Variants in VPS53 observed in about 807,000 individuals in gnomAD.
The protein encoded by VPS53 is vacuolar protein sorting-associated protein 53 homolog.
In VPS53, 70 loss-of-function variants were observed where a neutral mutation model predicts 107.0. The observed-to-expected ratio is 0.65, with a 90% CI of 0.54 to 0.80. The LOEUF is 0.80. Ranked by LOEUF, VPS53 falls within the 30% of genes least tolerant of loss-of-function variation. VPS53 has a pLI of 0.00. For synonymous variants in VPS53, 409 were observed against 393.3 expected (o/e 1.04, Z -0.47); for missense variants, 917 against 1,049.4 (o/e 0.87, Z 1.74).
intron 7 of VPS53, among the ~76,000 whole-genome samples, chr17:633,999 A>T (rs1970079475): frequency 6.6e-6 from 1 of 152,176 alleles, no homozygotes; most frequent in Non-Finnish European, 1.5e-5. Context: ...AACTTATAGT[A>T]GGAACTTTTC....
At chr17:649,568 C>G (rs112860185) in intron 7 of VPS53, among the ~76,000 whole-genome samples, 1 of 139,986 alleles carries the variant, frequency 7.1e-6, no homozygotes, top group Non-Finnish European at 1.6e-5. Context: ...CACTGGAGGA[C>G]AGAGGAATGG....
Position 653,895 on chromosome 17 carries a change from C to T in VPS53, c.489-485G>A, listed in dbSNP as rs543829683. ...GGTGCGGCCAGGCGCGGTGGCTCAG[C>T]CTGTCATCCCCGCGCTGTGGGAGGC... On this transcript the variant is annotated intron_variant, in intron 6 of 21. Coordinates refer to ENST00000437048, the MANE Select transcript of VPS53 (RefSeq NM_001128159.3). Among the ~76,000 whole-genome samples the T allele has an allele frequency of 3.9e-5, 6 of 152,280 alleles. No homozygotes were observed. The East Asian group carries it at 1.2e-3, about 29-fold the overall frequency.
At chr17:587,420 A>G (rs951532328) in intron 12 of VPS53, among the ~76,000 whole-genome samples, 2 of 152,346 alleles carry the variant, frequency 1.3e-5, no homozygotes, top group African/African-American at 4.8e-5. Flanking sequence ...GCATATAGGC[A>G]GTACTTTCTA....
At chr17:610,684 G>A (rs1781969423) in intron 11 of VPS53, among the ~76,000 whole-genome samples, 1 of 151,526 alleles carries the variant, frequency 6.6e-6, no homozygotes, top group Admixed American at 6.6e-5. Context: ...GAGAGGTCGA[G>A]GCGGGTGGAT....
intron 4 of VPS53, among the ~76,000 whole-genome samples, chr17:664,420 G>A (rs937014565): frequency 1.3e-5 from 2 of 152,164 alleles, no homozygotes; most frequent in African/African-American, 4.8e-5. Flanking sequence ...CAAATGTGAA[G>A]ATCCTGACAG....
chr17:693,675 C>A (rs1316676997), intron 4 of VPS53, among the ~76,000 whole-genome samples: 2 of 152,140 alleles, frequency 1.3e-5, no homozygotes, highest in African/African-American at 4.8e-5. Context: ...TCAAGGTTAC[C>A]GTGAAAAATG....
At chr17:633,288 G>A (rs373692755) in intron 7 of VPS53, among the ~76,000 whole-genome samples, 7 of 152,152 alleles carry the variant, frequency 4.6e-5, no homozygotes, top group East Asian at 1.9e-4. Flanking sequence ...ACCGTGCACC[G>A]GCCAGCCTTG....
chr17:537,272 C>T (rs1910163400), intron 17 of VPS53, 96 bp from the exon 18 acceptor site: 3 of 1,398,700 alleles, frequency 2.1e-6, no homozygotes, highest in Admixed American at 2.1e-5. Flanking sequence ...AGTCAGGTCA[C>T]AGCTTTGGTA....
intron 2 of VPS53, among the ~76,000 whole-genome samples, chr17:708,580 C>G (rs944611468): frequency 1.3e-5 from 2 of 152,072 alleles, no homozygotes; most frequent in Admixed American, 6.6e-5. Flanking sequence ...GAATGTCAGG[C>G]CCCCCACGAG....
intron 14 of VPS53, among the ~76,000 whole-genome samples, chr17:561,469 T>C (rs1029129077): frequency 3.9e-5 from 6 of 152,154 alleles, no homozygotes; most frequent in African/African-American, 7.2e-5. Context: ...AGTTAAACGG[T>C]AGCTGCAGGG....
chr17:696,924 C>G (rs1972990893), intron 4 of VPS53, among the ~76,000 whole-genome samples: 1 of 151,536 alleles, frequency 6.6e-6, no homozygotes, highest in Non-Finnish European at 1.5e-5. Flanking sequence ...TCCTGAGTAG[C>G]TGGGATTACA....
At chr17:689,379 C>T (rs963768920) in intron 4 of VPS53, among the ~76,000 whole-genome samples, 2 of 151,742 alleles carry the variant, frequency 1.3e-5, no homozygotes, top group East Asian at 1.9e-4. Flanking sequence ...ACTGCTGTAA[C>T]CTCAAACCCC....
intron 15 of VPS53, among the ~76,000 whole-genome samples, chr17:553,783 C>T (rs547699074): frequency 2.6e-5 from 4 of 152,018 alleles, no homozygotes; most frequent in Non-Finnish European, 4.4e-5. Context: ...TTGGTCAGGC[C>T]GGTCTCAAAC....
chr17:562,852 A>G, intron 13 of VPS53, 107 bp from the exon 14 acceptor site: 2 of 1,283,406 alleles, frequency 1.6e-6, no homozygotes, highest in Non-Finnish European at 2.1e-6. Flanking sequence ...AATCATTCCT[A>G]CTGCATTTAA....
chr17:714,809 T>C lies in VPS53; in HGVS notation c.-100A>G. On this transcript the variant is annotated 5_prime_UTR_variant, in exon 1 of 22. Coordinates refer to ENST00000437048, the MANE Select transcript of VPS53 (RefSeq NM_001128159.3). ...CAGCAACTCCCTCGCGGCAGCGACC[T>C]GGTGAGCCCGGCTCCGTCAGCCGCT... The C allele has an allele frequency of 3.7e-6, 5 of 1,351,404 alleles. No individual in the cohort carries two copies. The highest frequency in any genetic ancestry group is 4.2e-6 in the Non-Finnish European group (4 of 950,930). The allele number at this position is 1,351,404 out of a possible 1,614,324, so 83.7% of individuals were successfully genotyped here.
intron 1 of VPS53, among the ~76,000 whole-genome samples, chr17:711,650 T>G (rs955308341): frequency 2.6e-5 from 4 of 152,122 alleles, no homozygotes; most frequent in African/African-American, 9.7e-5. Context: ...TCTGTATTCC[T>G]CTCACGACTC....
chr17:636,393 T>A (rs571902181), intron 7 of VPS53, among the ~76,000 whole-genome samples: 3 of 152,220 alleles, frequency 2.0e-5, no homozygotes, highest in Non-Finnish European at 4.4e-5. Flanking sequence ...CTTTTCCTAA[T>A]TGAATACCCT....
chr17:632,971 T>C, intron 7 of VPS53: 1 of 352,136 alleles, frequency 2.8e-6, no homozygotes, highest in Non-Finnish European at 5.6e-6. Context: ...TGAGGGCCAC[T>C]GAGTGACCAT....
At chr17:588,211 G>C (rs1392101985) in intron 12 of VPS53, among the ~76,000 whole-genome samples, 2 of 152,146 alleles carry the variant, frequency 1.3e-5, no homozygotes, top group Non-Finnish European at 1.5e-5. Flanking sequence ...CCAGCTACTT[G>C]AGAGGCTGAG....
Sources: gnomAD v4.1 joint callset for allele counts (sites outside exome capture counted in the v4.1 genomes callset) on GRCh38, gnomAD v4.1.1 for gene constraint, MANE v1.5 for transcripts, NCBI Gene and HGNC (gene_info 2026-07-23, HGNC 2026-07-21) for gene names.